C3orf33: variants seen among roughly 807,000 people sequenced by gnomAD.
C3orf33 encodes the protein AP-1 activity suppressor.
Under a neutral mutation model 28.7 loss-of-function variants are expected in C3orf33, and 23 were observed. The observed-to-expected ratio is 0.80, with a 90% CI of 0.58 to 1.13. The LOEUF is 1.13. C3orf33 is among the 50% of genes most tolerant of loss of function. The pLI is 0.00. For synonymous variants in C3orf33, 119 were observed against 120.5 expected, an observed-to-expected ratio of 0.99 and a Z score of 0.08; for missense variants, 327 against 353.4, an observed-to-expected ratio of 0.93 and a Z score of 0.60.
rs10654812 is a variant in C3orf33 at position 155,776,759 on chromosome 3, C to CAAAAAAAAAAAAAAAAAAAAAAAAA, written c.175-936_175-912dup. ...TGACAGAGCGAGAACCTGACTCTGT[C>CAAAAAAAAAAAAAAAAAAAAAAAAA]AAAAAAAAAAAAAAAAAAAAAAAAA... On this transcript the variant is annotated intron_variant, in intron 2 of 4. Coordinates refer to ENST00000340171, the MANE Select transcript of C3orf33 (RefSeq NM_001308229.2). 3.2e-4 allele frequency among the ~76,000 whole-genome samples: 28 copies of CAAAAAAAAAAAAAAAAAAAAAAAAA among 86,914 alleles called. 1 individual carries two copies. The highest frequency in any genetic ancestry group is 3.6e-4 in the Non-Finnish European group (15 of 41,494). The allele number at this position is 86,914 out of a possible 152,430, so 57.0% of individuals were successfully genotyped here.
intron 2 of C3orf33, among the ~76,000 whole-genome samples, chr3:155,782,909 A>T (rs1167392365): frequency 6.6e-6 from 1 of 152,210 alleles, no homozygotes; most frequent in East Asian, 1.9e-4. Flanking sequence ...AATTTAAGAG[A>T]CTACAGGTTG....
Position 155,775,729 on chromosome 3 carries a change from A to G in C3orf33, c.294T>C (p.Ile98=). 2 of 1,575,466 alleles carry G rather than the reference A, an allele frequency of 1.3e-6. No individual in the cohort carries two copies. The highest frequency in any genetic ancestry group is 1.1e-5 in the South Asian group (1 of 88,692). The change falls in exon 3 of 5, where the codon ATT becomes ATC. Residue 98 remains isoleucine, a synonymous_variant. Transcript: ENST00000340171. ...ENGLEIEHIP[I]TLPIIASLRK... is the part of the protein sequence containing the mutation. Reference sequence around the variant, plus strand: ...TCAATGAAGCTATAATAGGTAAAGTAATAGGTATATGTTCAATTTCTAAAC... The same window carrying G: ...TCAATGAAGCTATAATAGGTAAAGTGATAGGTATATGTTCAATTTCTAAAC...
chr3:155,795,388 G>A (rs538068613), intron 2 of C3orf33, among the ~76,000 whole-genome samples: 18 of 151,792 alleles, frequency 1.2e-4, no homozygotes, highest in East Asian at 7.8e-4. Flanking sequence ...CCCAGGAGGC[G>A]GAGGTTGGAG....
At chr3:155,777,847 A>C (rs947430191) in intron 2 of C3orf33, among the ~76,000 whole-genome samples, 1 of 152,126 alleles carries the variant, frequency 6.6e-6, no homozygotes, top group African/African-American at 2.4e-5. Context: ...GAAAGAAAAA[A>C]ATTGTTTTTA....
intron 4 of C3orf33, among the ~76,000 whole-genome samples, chr3:155,765,824 A>C (rs569316222): frequency 6.6e-5 from 10 of 152,346 alleles, no homozygotes; most frequent in Admixed American, 6.5e-4. Flanking sequence ...CTGGGATTAC[A>C]GGCATGAGCC....
intron 3 of C3orf33, among the ~76,000 whole-genome samples, chr3:155,773,011 G>A (rs1750637912): frequency 1.3e-5 from 2 of 152,128 alleles, no homozygotes; most frequent in Non-Finnish European, 2.9e-5. Flanking sequence ...ACTATGTTGA[G>A]TCATTTGAAC....
At chr3:155,805,492 G>A in intron 1 of C3orf33, 2 of 406,206 alleles carry the variant, frequency 4.9e-6, no homozygotes, top group Non-Finnish European at 1.0e-5. Context: ...AGGCTGAGGT[G>A]GGAGATCACT....
At chr3:155,773,502 CTA>C (rs1750651246) in intron 3 of C3orf33, among the ~76,000 whole-genome samples, 1 of 152,128 alleles carries the variant, frequency 6.6e-6, no homozygotes, top group East Asian at 1.9e-4. Flanking sequence ...CATTTAATCT[CTA>C]TAGAAAATAT....
At chr3:155,774,185 A>G (rs1750669712) in intron 3 of C3orf33, among the ~76,000 whole-genome samples, 1 of 152,234 alleles carries the variant, frequency 6.6e-6, no homozygotes, top group Non-Finnish European at 1.5e-5. Flanking sequence ...GACTTTGAAT[A>G]CCAAAATAAA....
At chr3:155,774,587 C>G (rs1452279425) in intron 3 of C3orf33, among the ~76,000 whole-genome samples, 1 of 151,816 alleles carries the variant, frequency 6.6e-6, no homozygotes, top group Non-Finnish European at 1.5e-5. Context: ...GCCTGTGGGC[C>G]ACATGCAGCC....
intron 2 of C3orf33, among the ~76,000 whole-genome samples, chr3:155,782,788 T>C (rs923373317): frequency 2.0e-5 from 3 of 152,210 alleles, no homozygotes; most frequent in African/African-American, 4.8e-5. Flanking sequence ...AGACAGTAAC[T>C]TGAAGCCATA....
At chr3:155,801,634 TATA>T (rs1296845309) in intron 2 of C3orf33, among the ~76,000 whole-genome samples, 1 of 152,082 alleles carries the variant, frequency 6.6e-6, no homozygotes, top group Non-Finnish European at 1.5e-5. Context: ...AAAAATACCA[TATA>T]ATGCCACTTA....
At chr3:155,791,227 A>G (rs1014180385) in intron 2 of C3orf33, among the ~76,000 whole-genome samples, 1 of 152,054 alleles carries the variant, frequency 6.6e-6, no homozygotes, top group Non-Finnish European at 1.5e-5. Context: ...TGGGCCACAA[A>G]GCAACCCACT....
intron 4 of C3orf33, among the ~76,000 whole-genome samples, chr3:155,764,330 C>A (rs923316404): frequency 6.6e-6 from 1 of 152,098 alleles, no homozygotes; most frequent in African/African-American, 2.4e-5. Context: ...TAGCCAAATG[C>A]AAAATGAACT....
chr3:155,768,026 T>C (rs1279857372), intron 3 of C3orf33, among the ~76,000 whole-genome samples: 1 of 152,132 alleles, frequency 6.6e-6, no homozygotes, highest in Non-Finnish European at 1.5e-5. Flanking sequence ...ATTACAGGCA[T>C]GCACCACCAT....
At chr3:155,792,627 A>G (rs912377817) in intron 2 of C3orf33, among the ~76,000 whole-genome samples, 1 of 152,148 alleles carries the variant, frequency 6.6e-6, no homozygotes, top group Non-Finnish European at 1.5e-5. Flanking sequence ...GATAAACTTA[A>G]CAAAGAGAGA....
At chr3:155,778,804 A>G (rs1750830722) in intron 2 of C3orf33, among the ~76,000 whole-genome samples, 1 of 152,220 alleles carries the variant, frequency 6.6e-6, no homozygotes, top group Non-Finnish European at 1.5e-5. Context: ...ATCAATGTCA[A>G]TAGAAAGTGG....
intron 2 of C3orf33, among the ~76,000 whole-genome samples, chr3:155,793,809 C>CAA (rs1176317323): frequency 0.016 from 589 of 37,474 alleles, 28 homozygotes; most frequent in African/African-American, 0.041. Context: ...GACTCTGACT[C>CAA]AAAAAAAAAA....
At chr3:155,793,011 C>T (rs759600904) in intron 2 of C3orf33, among the ~76,000 whole-genome samples, 1 of 151,832 alleles carries the variant, frequency 6.6e-6, no homozygotes, top group East Asian at 1.9e-4. Context: ...AACCGAAAGA[C>T]GATCACTACA....
Sources: allele counts gnomAD v4.1 joint callset (sites outside exome capture counted in the v4.1 genomes callset), GRCh38; gene constraint gnomAD v4.1.1; transcripts MANE v1.5; gene names NCBI Gene and HGNC (gene_info 2026-07-23, HGNC 2026-07-21).